The following CCDC88C variants were observed in gnomAD, a reference collection of about 807,000 sequenced individuals.
The protein encoded by CCDC88C is protein Daple.
CCDC88C carries 131 observed loss-of-function variants against 198.8 expected under a neutral mutation model. The ratio of observed to expected loss-of-function variants is 0.66; its 90% CI spans 0.57 to 0.76. The LOEUF (loss-of-function observed/expected upper bound fraction) is 0.76. Among genes scored for constraint, CCDC88C ranks in the 30% least tolerant of loss-of-function variants. The pLI is 0.00. For missense variants in CCDC88C, 2,553 were observed against 2,631.6 expected, an observed-to-expected ratio of 0.97 and a Z score of 0.65; for synonymous variants, 1,166 against 1,114.7, an observed-to-expected ratio of 1.05 and a Z score of -0.92.
intron 3 of CCDC88C, among the ~76,000 whole-genome samples, chr14:91,395,751 G>T (rs1167253304): frequency 6.6e-6 from 1 of 151,934 alleles, no homozygotes; most frequent in East Asian, 1.9e-4. Flanking sequence ...CTTCTCCCTA[G>T]AGCTGCAGTG....
rs1419853881 is a variant in CCDC88C, at chr14:91,272,799, C to G, written c.5913G>C (p.Gln1971His). The G allele has an allele frequency of 6.2e-7, 1 of 1,601,162 alleles. No homozygotes were observed. Among genetic ancestry groups the G allele is most frequent in the African/African-American group, 1.3e-5 (1 of 74,792 alleles). The change falls in exon 30 of 30, where the codon CAG becomes CAC. Residue 1971 changes from glutamine (Q) to histidine (H), a missense_variant. Physicochemically the swap from Gln to His is conservative, Grantham distance 24. Coordinates refer to ENST00000389857, the MANE Select transcript of CCDC88C (RefSeq NM_001080414.4). ...TGGCCGGAAGCCCCTCACTGCAGCC[C>G]TGCCCCGGGACCCCGTCTCCCTCTG... ...SLSEGDGVPGQGCSEGLPAKS... is the reference protein window; with the variant it reads ...SLSEGDGVPGHGCSEGLPAKS...
At chr14:91,294,995 G>A (rs1178190440) in intron 22 of CCDC88C, among the ~76,000 whole-genome samples, 2 of 152,160 alleles carry the variant, frequency 1.3e-5, no homozygotes, top group Non-Finnish European at 2.9e-5. Context: ...TATGATTGGG[G>A]TGCAATGGGA....
chr14:91,353,628 C>A (rs1054378980), intron 4 of CCDC88C, among the ~76,000 whole-genome samples: 1 of 152,206 alleles, frequency 6.6e-6, no homozygotes, highest in African/African-American at 2.4e-5. Context: ...CTTCCTCAGC[C>A]GGTGCAGTAG....
At chr14:91,410,854 A>G (rs1239597057) in intron 2 of CCDC88C, among the ~76,000 whole-genome samples, 1 of 152,164 alleles carries the variant, frequency 6.6e-6, no homozygotes, top group African/African-American at 2.4e-5. Flanking sequence ...CATTGAAGTC[A>G]GACGGGACCA....
At chr14:91,276,164 C>T (rs1889956167) in intron 29 of CCDC88C, among the ~76,000 whole-genome samples, 1 of 152,198 alleles carries the variant, frequency 6.6e-6, no homozygotes, top group African/African-American at 2.4e-5. Flanking sequence ...GCCGCAAGAC[C>T]ATTATCTGGA....
intron 28 of CCDC88C, 32 bp downstream of exon 28, chr14:91,279,206 T>G (rs1412220115): frequency 1.6e-5 from 25 of 1,559,516 alleles, no homozygotes; most frequent in Non-Finnish European, 2.1e-5. Flanking sequence ...CCCAAATCAA[T>G]TTTTAAAAGT....
In CCDC88C at chr14:91,284,904, G is replaced by A. The variant is rs937197078; in HGVS notation, c.4442-1387C>T. Reference sequence around the variant, plus strand: ...ACAAAAATAACGGAGGTGGTACAGGGATGGCTAGAGACAGGAAATGCTCCA... The same window carrying A: ...ACAAAAATAACGGAGGTGGTACAGGAATGGCTAGAGACAGGAAATGCTCCA... On this transcript the variant is annotated intron_variant, in intron 25 of 29. Coordinates refer to ENST00000389857, the MANE Select transcript of CCDC88C (RefSeq NM_001080414.4). This position sits in a 1 kb window ranked among gnomAD's most constrained non-coding sequence, Gnocchi z 4.1. Among the ~76,000 whole-genome samples, 1 of 152,204 alleles carries A rather than the reference G, an allele frequency of 6.6e-6. No homozygotes were observed. The highest frequency in any genetic ancestry group is 1.5e-5 in the Non-Finnish European group (1 of 68,036).
Position 91,338,947 on chromosome 14 carries a change from C to G in CCDC88C, c.809+331G>C. Reference sequence around the variant, plus strand: ...TGGAGGGAAGGAGGGGCACCTCATCCCTCCAGCCAAGAAAACACATCAGGT... The same window carrying G: ...TGGAGGGAAGGAGGGGCACCTCATCGCTCCAGCCAAGAAAACACATCAGGT... On this transcript the variant is annotated intron_variant, in intron 8 of 29. Coordinates refer to ENST00000389857, the MANE Select transcript of CCDC88C (RefSeq NM_001080414.4). The surrounding 1 kb of genome is among the most constrained non-coding windows in gnomAD (Gnocchi z 4.8). The G allele has an allele frequency of 2.1e-6, 1 of 483,720 alleles. No individual in the cohort carries two copies. The highest frequency in any genetic ancestry group is 3.8e-6 in the Non-Finnish European group (1 of 263,210). 30.0% of individuals were successfully genotyped at this position (483,720 alleles called of 1,614,324 possible). A position where few individuals can be genotyped will look rare whatever the true frequency, so the allele number is the denominator to read the frequency against.
rs973758502 is a variant in CCDC88C, at chr14:91,273,272, G to C, written c.5440C>G (p.Arg1814Gly). 3 of 1,559,464 alleles carry C rather than the reference G, an allele frequency of 1.9e-6. No individual in the cohort carries two copies. Among genetic ancestry groups the C allele is most frequent in the Admixed American group, 3.8e-5 (2 of 52,158 alleles). ...AFSLASADLLRASGPEACKQE... is the reference protein window; with the variant it reads ...AFSLASADLLGASGPEACKQE... Reference sequence around the variant, plus strand: ...TTGCAGGCCTCTGGCCCGCTGGCCCGGAGAAGGTCAGCTGAGGCCAGGCTG... The same window carrying C: ...TTGCAGGCCTCTGGCCCGCTGGCCCCGAGAAGGTCAGCTGAGGCCAGGCTG... Residue 1814 changes from arginine to glycine, a missense_variant, in exon 30 of 30, where the codon CGG becomes GGG. Around this residue, in one of 2 missense-constraint regions of CCDC88C, gnomAD observed 1,293 missense variants for 1,219.6 expected, o/e 1.06. Transcript: ENST00000389857. This position sits in a 1 kb window ranked among gnomAD's most constrained non-coding sequence, Gnocchi z 5.6.
chr14:91,379,844 G>A (rs1884674450), intron 3 of CCDC88C: 2 of 702,930 alleles, frequency 2.8e-6, no homozygotes, highest in Non-Finnish European at 5.2e-6. Flanking sequence ...CAAACGCTGT[G>A]TCTGCCCGCA....
At chr14:91,315,862 A>C in intron 13 of CCDC88C, 75 bp from the exon 14 acceptor site, 1 of 1,496,932 alleles carries the variant, frequency 6.7e-7, no homozygotes, top group Non-Finnish European at 9.1e-7. Context: ...ACAAAACAGA[A>C]ACCACCCCAA....
At chr14:91,330,544 T>TTCAACACCCGCC (rs2139841659) in intron 10 of CCDC88C, among the ~76,000 whole-genome samples, 1 of 152,252 alleles carries the variant, frequency 6.6e-6, no homozygotes, top group Admixed American at 6.5e-5. Context: ...AGCCACACTC[T>TTCAACACCCGCC]TCAACACCCG....
chr14:91,376,153 GC>G (rs11350814), intron 3 of CCDC88C, among the ~76,000 whole-genome samples: 66,996 of 152,026 alleles, frequency 0.44, 16,840 homozygotes, highest in African/African-American at 0.69. Context: ...TCCCGCTGCT[GC>G]CCCCCAGGAC....
At chr14:91,342,698 G>GC (rs1893360583) in intron 5 of CCDC88C, among the ~76,000 whole-genome samples, 1 of 152,130 alleles carries the variant, frequency 6.6e-6, no homozygotes, top group East Asian at 1.9e-4. Context: ...CCATCCGTAA[G>GC]CCCCCACCCA....
chr14:91,286,408 A>T (rs1045402967), intron 25 of CCDC88C, among the ~76,000 whole-genome samples: 1 of 151,970 alleles, frequency 6.6e-6, no homozygotes, highest in African/African-American at 2.4e-5. Flanking sequence ...TTTGCATACT[A>T]AAAAAAACCC....
intron 3 of CCDC88C, among the ~76,000 whole-genome samples, chr14:91,397,134 C>T (rs1199271389): frequency 1.3e-5 from 2 of 152,144 alleles, no homozygotes; most frequent in African/African-American, 4.8e-5. Flanking sequence ...GGAGAGGGGC[C>T]TGGGGGAAGT....
chr14:91,297,643 T>C (rs1018962680), intron 21 of CCDC88C, among the ~76,000 whole-genome samples, 152 bp from the exon 22 acceptor site: 2 of 151,040 alleles, frequency 1.3e-5, no homozygotes, highest in African/African-American at 2.4e-5. Context: ...TTTTTTTCCA[T>C]GCATAAAATA....
At chr14:91,345,145 T>C (rs1893479158) in intron 4 of CCDC88C, among the ~76,000 whole-genome samples, 1 of 145,930 alleles carries the variant, frequency 6.9e-6, no homozygotes, top group Non-Finnish European at 1.5e-5. Context: ...ATTTAACCAA[T>C]ACCCCTTCCA....
In CCDC88C at chr14:91,376,668, G is replaced by A. The variant is rs192301787; in HGVS notation, c.271-16957C>T. Among the ~76,000 whole-genome samples, 523 of 152,330 alleles carry A rather than the reference G, an allele frequency of 3.4e-3. 8 individuals carry two copies. The highest frequency in any genetic ancestry group is 8.1e-3 in the Admixed American group (124 of 15,304). On this transcript the variant is annotated intron_variant, in intron 3 of 29. Transcript: ENST00000389857. ...CAGCAGAGGCAGAGAGCAGAGATGCGGAAGAGTGGCTGGTGCTGTCTGTGG... is the reference window on the plus strand; with the variant it reads ...CAGCAGAGGCAGAGAGCAGAGATGCAGAAGAGTGGCTGGTGCTGTCTGTGG...
Sources: gnomAD v4.1 joint callset for allele counts (sites outside exome capture counted in the v4.1 genomes callset) on GRCh38, gnomAD v4.1.1 for gene constraint, gnomAD v4.1.1 regional missense constraint, Gnocchi (gnomAD v3.1) non-coding constraint, MANE v1.5 for transcripts, NCBI Gene and HGNC (gene_info 2026-07-23, HGNC 2026-07-21) for gene names.